SETD7: variants seen among roughly 807,000 people sequenced by gnomAD.
SETD7 encodes the protein histone-lysine N-methyltransferase SETD7.
In SETD7, 16 loss-of-function variants were observed where a neutral mutation model predicts 41.8. The observed-to-expected ratio is 0.38, with a 90% CI of 0.26 to 0.58. The LOEUF (loss-of-function observed/expected upper bound fraction) is 0.58, where lower values mean the gene tolerates loss of function less well. Ranked by LOEUF, SETD7 falls within the 20% of genes least tolerant of loss-of-function variation. The probability of loss-of-function intolerance (pLI) is 0.64; values close to 1 mark genes in which losing one functional copy is unlikely to be tolerated. For synonymous variants in SETD7, 163 were observed against 169.7 expected, an observed-to-expected ratio of 0.96 and a Z score of 0.31; for missense variants, 346 against 459.7, an observed-to-expected ratio of 0.75 and a Z score of 2.26.
At chr4:139,532,235 A>G (rs1160315488) in intron 3 of SETD7, among the ~76,000 whole-genome samples, 1 of 152,222 alleles carries the variant, frequency 6.6e-6, no homozygotes, top group African/African-American at 2.4e-5. Flanking sequence ...TGAGCCCAGG[A>G]GTTCGAGACT....
exon 8 of SETD7, chr4:139,496,367 A>G (rs764223217): frequency 2.8e-6 from 2 of 701,848 alleles, no homozygotes; most frequent in African/African-American, 3.5e-5. Context: ...TTACTCACGA[A>G]CATCATTATG....
rs759818715 is a variant in SETD7, at chr4:139,546,992, G to C, written c.98C>G (p.Thr33Arg). 3.7e-6 allele frequency: 6 copies of C among 1,614,192 alleles called. No individual in the cohort carries two copies. In the Admixed American group the frequency reaches 1.0e-4, roughly 27 times the overall value. The change falls in exon 2 of 8, where the codon ACA becomes AGA. Residue 33 changes from threonine to arginine, a missense_variant. Thr to Arg is a moderately conservative substitution (Grantham distance 71). This residue lies in a region of SETD7 where 266 missense variants were observed against 377.0 expected (regional missense o/e 0.71). Coordinates refer to ENST00000274031, the MANE Select transcript of SETD7 (RefSeq NM_030648.4). ...HGFCTVTYSS[T>R]DRFEGNFVHG... ...AACAAAGTTCCCCTCAAATCTGTCT[G>C]TGGAGGAGTAGGTGACTGTGCAGAA...
At chr4:139,518,484 T>A (rs1423188130) in intron 6 of SETD7, among the ~76,000 whole-genome samples, 4 of 152,152 alleles carry the variant, frequency 2.6e-5, no homozygotes, top group Admixed American at 6.5e-5. Context: ...AAACAAGGCA[T>A]GTCTCCACAC....
chr4:139,533,965 C>G (rs6832050), intron 2 of SETD7, among the ~76,000 whole-genome samples: 2,732 of 148,588 alleles, frequency 0.018, 120 homozygotes, highest in African/African-American at 0.067. Flanking sequence ...ATCTATATAT[C>G]TATGTATGTA....
chr4:139,541,084 G>A lies in SETD7; in HGVS notation c.170+5836C>T, dbSNP rs557463619. On this transcript the variant is annotated intron_variant, in intron 2 of 7. Coordinates refer to ENST00000274031, the MANE Select transcript of SETD7 (RefSeq NM_030648.4). Reference sequence around the variant, plus strand: ...GACTTGGGCACAGGAGAAAGAAGCCGTGGAGTAGTAAATCCTTTAAAATCA... The same window carrying A: ...GACTTGGGCACAGGAGAAAGAAGCCATGGAGTAGTAAATCCTTTAAAATCA... Among the ~76,000 whole-genome samples the A allele has an allele frequency of 6.6e-5, 10 of 152,288 alleles. No homozygotes were observed. In the South Asian group the frequency reaches 1.2e-3, roughly 19 times the overall value.
At chr4:139,518,501 A>G (rs1345505703) in intron 6 of SETD7, among the ~76,000 whole-genome samples, 1 of 152,228 alleles carries the variant, frequency 6.6e-6, no homozygotes, top group African/African-American at 2.4e-5. Flanking sequence ...ACACACTGAG[A>G]GTGCAAATGA....
chr4:139,540,635 C>T (rs1363241005), intron 2 of SETD7, among the ~76,000 whole-genome samples: 9 of 152,200 alleles, frequency 5.9e-5, no homozygotes, highest in African/African-American at 1.7e-4. Flanking sequence ...ATGAAGACCA[C>T]GTGTCCAGTG....
chr4:139,520,375 G>T lies in SETD7; in HGVS notation c.664C>A (p.Leu222Ile). The T allele has an allele frequency of 6.2e-7, 1 of 1,605,324 alleles. No individual in the cohort carries two copies. Among genetic ancestry groups the T allele is most frequent in the South Asian group, 1.1e-5 (1 of 89,508 alleles). ...ESERVYVAESLISSAGEGLFS... is the reference protein window; with the variant it reads ...ESERVYVAESIISSAGEGLFS... ...AGTCCTTCTCCAGCACTGGAAATAAGAGATTCAGCAACATAAACCCTAAAT... is the reference window on the plus strand; with the variant it reads ...AGTCCTTCTCCAGCACTGGAAATAATAGATTCAGCAACATAAACCCTAAAT... The change falls in exon 6 of 8, where the codon CTT becomes ATT. Residue 222 changes from leucine to isoleucine, a missense_variant. Around this residue, in one of 3 missense-constraint regions of SETD7, gnomAD observed 266 missense variants for 377.0 expected, o/e 0.71. Coordinates refer to ENST00000274031, the MANE Select transcript of SETD7 (RefSeq NM_030648.4).
In SETD7 at chr4:139,525,265, G is replaced by A. The variant is rs118110032; in HGVS notation, c.563-1830C>T. Among the ~76,000 whole-genome samples, 5 of 152,346 alleles carry A rather than the reference G, an allele frequency of 3.3e-5. No homozygotes were observed. The East Asian group carries it at 9.6e-4, about 29-fold the overall frequency. The stretch of plus-strand genomic sequence containing the variant: ...CTACATGTACAACACTAGGGACTGT[G>A]TAGATACAATAAGGATTAACTTCTG... On this transcript the variant is annotated intron_variant, in intron 4 of 7. Transcript: ENST00000274031.
Position 139,517,986 on chromosome 4 carries a change from C to T in SETD7, c.819G>A (p.Thr273=), listed in dbSNP as rs149566042. The T allele has an allele frequency of 1.9e-4, 308 of 1,614,030 alleles. 1 individual carries two copies. The African/African-American group carries it at 3.5e-3, about 18-fold the overall frequency. The change falls in exon 7 of 8, where the codon ACG becomes ACA. Residue 273 remains threonine, a synonymous_variant. Transcript: ENST00000274031. ...TATAGGGCTCAGGCACATCAATGAC[C>T]GTTTCTTCATCAAGGGAGAGGGTGT... The part of the protein sequence containing the change: ...NGNTLSLDEE[T]VIDVPEPYNH...
downstream of SETD7, among the ~76,000 whole-genome samples, chr4:139,494,997 C>T (rs982904444): frequency 5.3e-5 from 8 of 152,100 alleles, no homozygotes; most frequent in Non-Finnish European, 8.8e-5. Flanking sequence ...GGCACTATAG[C>T]CAGAATATGA....
At chr4:139,515,038 TGCCTG>T (rs1275996828) in intron 7 of SETD7, among the ~76,000 whole-genome samples, 1 of 151,954 alleles carries the variant, frequency 6.6e-6, no homozygotes, top group African/African-American at 2.4e-5. Flanking sequence ...TGATGGCGCA[TGCCTG>T]TAATCCCAGC....
downstream of SETD7, among the ~76,000 whole-genome samples, chr4:139,504,856 A>G (rs777305210): frequency 2.6e-5 from 4 of 152,214 alleles, no homozygotes; most frequent in Non-Finnish European, 5.9e-5. Context: ...TTCACTTTCA[A>G]GGTTAGCTTC....
chr4:139,546,212 T>C (rs903286335), intron 2 of SETD7: 5 of 154,482 alleles, frequency 3.2e-5, no homozygotes, highest in African/African-American at 1.2e-4. Context: ...TAGTATTAAA[T>C]TATCACACAA....
chr4:139,497,192 C>T (rs143963400), intron 7 of SETD7, among the ~76,000 whole-genome samples: 2,127 of 152,236 alleles, frequency 0.014, 22 homozygotes, highest in East Asian at 0.048. Flanking sequence ...CGGTGGCTCA[C>T]GCCTGTAATC....
intron 7 of SETD7, among the ~76,000 whole-genome samples, chr4:139,512,883 A>T (rs2111123426): frequency 6.7e-6 from 1 of 148,244 alleles, no homozygotes; most frequent in Non-Finnish European, 1.5e-5. Context: ...TCAGCCTCCC[A>T]AGCAGCTGGG....
intron 2 of SETD7, chr4:139,546,717 A>T (rs1727958302): frequency 1.5e-6 from 1 of 658,008 alleles, no homozygotes; most frequent in Non-Finnish European, 2.5e-6. Flanking sequence ...GACAGTGATG[A>T]CAAGAGCTAA....
intron 2 of SETD7, among the ~76,000 whole-genome samples, chr4:139,545,776 T>C (rs780973689): frequency 3.9e-5 from 6 of 152,190 alleles, no homozygotes; most frequent in Non-Finnish European, 8.8e-5. Context: ...GCTTAGACAT[T>C]TTCTTTCCCA....
At chr4:139,547,175 C>T (rs1003731351) in intron 1 of SETD7, 126 bp from the exon 2 acceptor site, 1 of 1,229,498 alleles carries the variant, frequency 8.1e-7, no homozygotes, top group African/African-American at 1.5e-5. Flanking sequence ...AAAGGGTCCC[C>T]TCCCTGGAAA....
Sources: gnomAD v4.1 joint callset for allele counts (sites outside exome capture counted in the v4.1 genomes callset) on GRCh38, gnomAD v4.1.1 for gene constraint, gnomAD v4.1.1 regional missense constraint, MANE v1.5 for transcripts, NCBI Gene and HGNC (gene_info 2026-07-23, HGNC 2026-07-21) for gene names.